Variants in MACF1 observed in about 807,000 individuals in gnomAD.
MACF1 encodes microtubule actin crosslinking factor 1.
A neutral mutation model predicts 854.8 loss-of-function variants in MACF1; 193 were observed. That is an observed-to-expected ratio of 0.23 (90% confidence interval 0.20 to 0.25). The LOEUF is 0.25. Ranked by LOEUF, MACF1 falls within the 10% of genes least tolerant of loss-of-function variation. MACF1 has a pLI of 1.00. For synonymous variants in MACF1, 3,185 were observed against 3,226.7 expected, an observed-to-expected ratio of 0.99 and a Z score of 0.44; for missense variants, 7,722 against 8,929.1, an observed-to-expected ratio of 0.86 and a Z score of 5.45.
At chr1:39,392,616 C>CA (rs1246598209) in intron 58 of MACF1, among the ~76,000 whole-genome samples, 2 of 152,130 alleles carry the variant, frequency 1.3e-5, no homozygotes, top group African/African-American at 4.8e-5. Context: ...CAGCTAACTC[C>CA]ATGGGAGCTA....
chr1:39,464,950 G>A (rs1380029304), intron 94 of MACF1, 145 bp from the exon 95 acceptor site: 12 of 755,462 alleles, frequency 1.6e-5, no homozygotes, highest in Non-Finnish European at 2.5e-5. Context: ...CCTGTGGCAG[G>A]AGCTTGGTAA....
intron 2 of MACF1, among the ~76,000 whole-genome samples, chr1:39,092,781 T>G (rs1440137445): frequency 1.6e-5 from 1 of 64,134 alleles, no homozygotes; most frequent in Non-Finnish European, 3.2e-5. Flanking sequence ...TTTTCTTTTT[T>G]CTTTTCTTTC....
rs112626507 is a variant in MACF1, at chr1:39,207,358, G to A, written c.109+2227G>A. 2.0e-3 allele frequency among the ~76,000 whole-genome samples: 299 copies of A among 150,506 alleles called. 2 individuals carry two copies. The highest frequency in any genetic ancestry group is 7.0e-3 in the African/African-American group (288 of 40,946). ...CAATGGAGCACAATCCTGGCTCACCGCAAGCTCCGCCTCCCGGGTTCAAGT... is the reference window on the plus strand; with the variant it reads ...CAATGGAGCACAATCCTGGCTCACCACAAGCTCCGCCTCCCGGGTTCAAGT... On this transcript the variant is annotated intron_variant, in intron 1 of 100. Transcript: ENST00000564288.
chr1:39,162,695 G>A (rs775028196), intron 2 of MACF1, among the ~76,000 whole-genome samples: 1 of 151,988 alleles, frequency 6.6e-6, no homozygotes, highest in African/African-American at 2.4e-5. Flanking sequence ...TTTTTCATTT[G>A]TAAGAAAGGG....
chr1:39,171,149 G>A (rs2148221136), intron 2 of MACF1, among the ~76,000 whole-genome samples: 1 of 152,022 alleles, frequency 6.6e-6, no homozygotes, highest in East Asian at 1.9e-4. Flanking sequence ...GTTGGGACTT[G>A]TCTGCGTTCC....
intron 2 of MACF1, among the ~76,000 whole-genome samples, chr1:39,241,457 C>T (rs559480559): frequency 1.8e-4 from 28 of 151,872 alleles, no homozygotes; most frequent in South Asian, 6.2e-4. Flanking sequence ...GTCAGGCGTT[C>T]GGGACCAGCC....
At chr1:39,294,588 A>G (rs1462005094) in intron 18 of MACF1, among the ~76,000 whole-genome samples, 1 of 152,254 alleles carries the variant, frequency 6.6e-6, no homozygotes, top group Non-Finnish European at 1.5e-5. Flanking sequence ...CATAGTAAGG[A>G]TCAGTATCCA....
At position 39,460,550 on chromosome 1, in the gene MACF1, T is replaced by C. The variant is rs1041211941; in HGVS notation, c.21361-82T>C. The C allele has an allele frequency of 1.7e-6, 2 of 1,188,220 alleles. No individual in the cohort carries two copies. The highest frequency in any genetic ancestry group is 1.5e-5 in the African/African-American group (1 of 66,516). 73.6% of individuals were successfully genotyped at this position (1,188,220 alleles called of 1,614,324 possible). On this transcript the variant is annotated intron_variant, in intron 91 of 100. Transcript: ENST00000564288. The surrounding 1 kb of genome is among the most constrained non-coding windows in gnomAD (Gnocchi z 4.1). ...CCCCTGGAAGCATGGCTTTACTGAA[T>C]GTCTGAAAGTTTGGGTATGCTCTGG...
intron 2 of MACF1, among the ~76,000 whole-genome samples, chr1:39,119,126 G>A (rs865782168): frequency 1.1e-4 from 17 of 151,872 alleles, no homozygotes; most frequent in Admixed American, 6.6e-5. Flanking sequence ...CTAGACCAGC[G>A]GGACCAACAT....
At chr1:39,380,088 T>C (rs1033317661) in intron 54 of MACF1, among the ~76,000 whole-genome samples, 156 bp from the exon 55 acceptor site, 4 of 152,228 alleles carry the variant, frequency 2.6e-5, no homozygotes, top group African/African-American at 9.6e-5. Flanking sequence ...AAAATTGAAG[T>C]AGAAGGGTTA....
intron 58 of MACF1, among the ~76,000 whole-genome samples, chr1:39,405,554 A>G (rs1642663902): frequency 6.6e-6 from 1 of 152,236 alleles, no homozygotes; most frequent in African/African-American, 2.4e-5. Flanking sequence ...CAAAACTTGG[A>G]AAGGGAGCTA....
rs1209962627 is a variant in MACF1, at chr1:39,460,470, G to C, written c.21361-162G>C. On this transcript the variant is annotated intron_variant, in intron 91 of 100. Transcript: ENST00000564288. The surrounding 1 kb of genome is among the most constrained non-coding windows in gnomAD (Gnocchi z 4.1). ...TAAATAGTCATGGCTTTAAGTGAAAGAGCCAGATTGTGCCTTCACAAAAGA... is the reference window on the plus strand; with the variant it reads ...TAAATAGTCATGGCTTTAAGTGAAACAGCCAGATTGTGCCTTCACAAAAGA... Among the ~76,000 whole-genome samples, 1 of 152,186 alleles carries C rather than the reference G, an allele frequency of 6.6e-6. No homozygotes were observed. Among genetic ancestry groups the C allele is most frequent in the Non-Finnish European group, 1.5e-5 (1 of 68,036 alleles).
chr1:39,346,507 G>A (rs1218552893), intron 40 of MACF1, among the ~76,000 whole-genome samples: 2 of 151,238 alleles, frequency 1.3e-5, no homozygotes, highest in Non-Finnish European at 2.9e-5. Flanking sequence ...TGGAGAGACT[G>A]AAAGTGAGAG....
rs984782539 is a variant in MACF1, at chr1:39,111,938, C to A, written c.220+27500C>A. Among the ~76,000 whole-genome samples, 7 of 152,048 alleles carry A rather than the reference C, an allele frequency of 4.6e-5. No homozygotes were observed. The South Asian group carries it at 6.2e-4, about 13-fold the overall frequency. On this transcript the variant is annotated intron_variant, in intron 2 of 93. Transcript: ENST00000361689. Reference sequence around the variant, plus strand: ...TCATAATTTGACTTACTCTGCACACCCAACTATACCATCTGTTACTGCCTA... The same window carrying A: ...TCATAATTTGACTTACTCTGCACACACAACTATACCATCTGTTACTGCCTA...
At chr1:39,165,273 G>A (rs1219423934) in intron 2 of MACF1, among the ~76,000 whole-genome samples, 3 of 152,160 alleles carry the variant, frequency 2.0e-5, no homozygotes, top group Admixed American at 2.0e-4. Flanking sequence ...TCCACTGCAG[G>A]GAATCTGGAA....
rs745954634 is a variant in MACF1 at position 39,357,802 on chromosome 1, T to C, written c.11852T>C (p.Phe3951Ser). 4 of 1,614,140 alleles carry C rather than the reference T, an allele frequency of 2.5e-6. No homozygotes were observed. The highest frequency in any genetic ancestry group is 2.2e-5 in the South Asian group (2 of 91,084). The change falls in exon 45 of 101, where the codon TTT becomes TCT. Residue 3951 changes from phenylalanine to serine, a missense_variant. Physicochemically the swap from Phe to Ser is radical, Grantham distance 155. This residue lies in a region of MACF1 where 2,807 missense variants were observed against 3,235.8 expected (regional missense o/e 0.87). Coordinates refer to ENST00000564288, the MANE Select transcript of MACF1 (RefSeq NM_001394062.1). ...AAAGTCTTGGACATGGAAAACAGTT[T>C]TAAGGAAGGCAAAGAACCATCAGAA... ...GQKVLDMENS[F>S]KEGKEPSEIG...
intron 75 of MACF1, 21 bp from the exon 76 acceptor site, chr1:39,442,126 C>T (rs373912410): frequency 1.3e-6 from 2 of 1,590,392 alleles, no homozygotes; most frequent in Non-Finnish European, 1.7e-6. Flanking sequence ...TTGATGTTAA[C>T]ATTGAGTGTG....
rs1040703363 is a variant in MACF1 at position 39,264,667 on chromosome 1, T to C, written c.528+6639T>C. Among the ~76,000 whole-genome samples the C allele has an allele frequency of 2.1e-4, 30 of 143,148 alleles. No individual in the cohort carries two copies. In the East Asian group the frequency reaches 5.1e-3, roughly 24 times the overall value. 93.9% of individuals were successfully genotyped at this position (143,148 alleles called of 152,430 possible). A position where few individuals can be genotyped will look rare whatever the true frequency, so the allele number is the denominator to read the frequency against. On this transcript the variant is annotated intron_variant, in intron 6 of 100. Transcript: ENST00000564288. Reference sequence around the variant, plus strand: ...TACACACCCAGATAGGATTTCTTTTTTTTTTTTTTTTTTTTTTGAGACGGA... The same window carrying C: ...TACACACCCAGATAGGATTTCTTTTCTTTTTTTTTTTTTTTTTGAGACGGA...
In MACF1 at chr1:39,428,303, T is replaced by G. The variant is rs1234706390; in HGVS notation, c.16803+16T>G. The G allele has an allele frequency of 3.2e-6, 5 of 1,572,370 alleles. No individual in the cohort carries two copies. In the Admixed American group the frequency reaches 5.5e-5, roughly 17 times the overall value. ...TGACCACCTGGTATTCATGTTTCCATTTTTATTGGTTATGTTATTCTGTTA... is the reference window on the plus strand; with the variant it reads ...TGACCACCTGGTATTCATGTTTCCAGTTTTATTGGTTATGTTATTCTGTTA... On this transcript the variant is annotated intron_variant, in intron 63 of 100. Coordinates refer to ENST00000564288, the MANE Select transcript of MACF1 (RefSeq NM_001394062.1).
Sources: gnomAD v4.1 joint callset for allele counts (sites outside exome capture counted in the v4.1 genomes callset) on GRCh38, gnomAD v4.1.1 for gene constraint, gnomAD v4.1.1 regional missense constraint, Gnocchi (gnomAD v3.1) non-coding constraint, MANE v1.5 for transcripts, NCBI Gene and HGNC (gene_info 2026-07-23, HGNC 2026-07-21) for gene names.